Variants in SYT1 observed in about 807,000 individuals in gnomAD.
SYT1 encodes synaptotagmin 1, also known as synaptotagmin-1.
In SYT1, 8 loss-of-function variants were observed where a neutral mutation model predicts 44.8. That is an observed-to-expected ratio of 0.18 (90% confidence interval 0.10 to 0.32). The LOEUF (loss-of-function observed/expected upper bound fraction) is 0.32, where lower values mean the gene tolerates loss of function less well. Among genes scored for constraint, SYT1 ranks in the 10% least tolerant of loss-of-function variants. The probability of loss-of-function intolerance (pLI) is 1.00; values close to 1 mark genes in which losing one functional copy is unlikely to be tolerated. For synonymous variants in SYT1, 154 were observed against 188.8 expected (o/e 0.82, Z 1.51); for missense variants, 286 against 509.3 (o/e 0.56, Z 4.22).
chr12:79,305,664 C>T (rs1026828043), intron 8 of SYT1, among the ~76,000 whole-genome samples: 1 of 152,120 alleles, frequency 6.6e-6, no homozygotes, highest in African/African-American at 2.4e-5. Context: ...CGGGCAATGC[C>T]ATAACTACAA....
chr12:79,136,081 A>G (rs560477839), intron 3 of SYT1, among the ~76,000 whole-genome samples: 15 of 152,216 alleles, frequency 9.9e-5, no homozygotes, highest in Non-Finnish European at 1.3e-4. Context: ...TAGATTGGAA[A>G]AGATGTCTAT....
rs186455361 is a variant in SYT1 at position 79,019,279 on chromosome 12, A to T, written c.-83-28018A>T. ...TATTTCATTCATGAGTATTCTTTTA[A>T]TGTCCTTCTTAAAATAACTTAATTT... On this transcript the variant is annotated intron_variant, in intron 2 of 10. Coordinates refer to ENST00000261205, the MANE Select transcript of SYT1 (RefSeq NM_005639.3). 1.4e-3 allele frequency among the ~76,000 whole-genome samples: 216 copies of T among 152,102 alleles called. 1 individual carries two copies. Among genetic ancestry groups the T allele is most frequent in the African/African-American group, 5.1e-3 (211 of 41,534 alleles).
At chr12:79,317,767 C>A (rs1294760392) in intron 8 of SYT1, among the ~76,000 whole-genome samples, 1 of 152,112 alleles carries the variant, frequency 6.6e-6, no homozygotes, top group Non-Finnish European at 1.5e-5. Flanking sequence ...AAGAACACTG[C>A]AGAAGAGTGC....
At chr12:79,408,068 A>G (rs1260229829) in intron 9 of SYT1, among the ~76,000 whole-genome samples, 1 of 152,166 alleles carries the variant, frequency 6.6e-6, no homozygotes, top group Non-Finnish European at 1.5e-5. Flanking sequence ...TGGGTATTAC[A>G]CTTGAATTTA....
Position 78,945,844 on chromosome 12 carries a change from T to C in SYT1, c.-216-31955T>C, listed in dbSNP as rs547291990. Among the ~76,000 whole-genome samples, 5 of 152,274 alleles carry C rather than the reference T, an allele frequency of 3.3e-5. No homozygotes were observed. The East Asian group carries it at 9.7e-4, about 29-fold the overall frequency. On this transcript the variant is annotated intron_variant, in intron 1 of 10. Transcript: ENST00000261205. ...TAGCCAACATGCCTCACACATATCCTACCTATAATCGAAGGCAGCCCTTCT... is the reference window on the plus strand; with the variant it reads ...TAGCCAACATGCCTCACACATATCCCACCTATAATCGAAGGCAGCCCTTCT...
At chr12:79,404,160 T>C (rs1318356126) in intron 9 of SYT1, among the ~76,000 whole-genome samples, 1 of 152,140 alleles carries the variant, frequency 6.6e-6, no homozygotes, top group Non-Finnish European at 1.5e-5. Context: ...GAGTACCCAA[T>C]AAAGCTAATA....
At chr12:79,161,508 A>G (rs1263785660) in intron 3 of SYT1, among the ~76,000 whole-genome samples, 2 of 152,150 alleles carry the variant, frequency 1.3e-5, no homozygotes, top group Non-Finnish European at 2.9e-5. Flanking sequence ...ACTGTATTCC[A>G]TCGTTGTTAA....
intron 9 of SYT1, among the ~76,000 whole-genome samples, chr12:79,385,968 A>T (rs1197459706): frequency 6.6e-6 from 1 of 152,162 alleles, no homozygotes; most frequent in East Asian, 1.9e-4. Flanking sequence ...TGTTATGTAT[A>T]CTCAGGCTGG....
chr12:79,191,669 C>T (rs1467740644), intron 3 of SYT1, among the ~76,000 whole-genome samples: 1 of 152,076 alleles, frequency 6.6e-6, no homozygotes, highest in Non-Finnish European at 1.5e-5. Context: ...TAAGACATTT[C>T]TAGACTTCAA....
At chr12:79,432,227 T>C (rs1247186467) in intron 9 of SYT1, among the ~76,000 whole-genome samples, 5 of 152,074 alleles carry the variant, frequency 3.3e-5, no homozygotes, top group Non-Finnish European at 7.4e-5. Context: ...TTTTTAATTA[T>C]TATACTTTAA....
Position 79,240,851 on chromosome 12 carries a change from TA to T in SYT1, c.166+23172del, listed in dbSNP as rs536303389. On this transcript the variant is annotated intron_variant, in intron 4 of 10. Transcript: ENST00000261205. Reference sequence around the variant, plus strand: ...TTGTCTTTTATAAGAAATATGCATCTAAAAAATGTAGAGGAGAATATTTTAT... The same window carrying T: ...TTGTCTTTTATAAGAAATATGCATCTAAAAATGTAGAGGAGAATATTTTAT... Among the ~76,000 whole-genome samples, 7 of 152,268 alleles carry T rather than the reference TA, an allele frequency of 4.6e-5. No individual in the cohort carries two copies. In the South Asian group the frequency reaches 1.0e-3, roughly 23 times the overall value.
chr12:79,418,843 C>A (rs1316478530), intron 9 of SYT1, among the ~76,000 whole-genome samples: 1 of 152,064 alleles, frequency 6.6e-6, no homozygotes, highest in Non-Finnish European at 1.5e-5. Context: ...GAGTGGTTTT[C>A]AATGCTGTAT....
chr12:79,437,346 AAG>A (rs1049506042), intron 9 of SYT1, among the ~76,000 whole-genome samples: 1 of 152,186 alleles, frequency 6.6e-6, no homozygotes, highest in Non-Finnish European at 1.5e-5. Flanking sequence ...GTGGGTTAGA[AAG>A]AGAGAAATCA....
At chr12:79,115,984 A>G (rs1879256004) in intron 3 of SYT1, among the ~76,000 whole-genome samples, 4 of 152,208 alleles carry the variant, frequency 2.6e-5, no homozygotes, top group Admixed American at 2.6e-4. Context: ...GATTCTAATG[A>G]TGTGAACAAG....
At chr12:79,048,354 C>T (rs1467231980) in intron 3 of SYT1, among the ~76,000 whole-genome samples, 2 of 151,598 alleles carry the variant, frequency 1.3e-5, no homozygotes. Flanking sequence ...TTTTTAGCCC[C>T]AAAGAACTTT....
At chr12:79,428,522 G>C (rs1013494856) in intron 9 of SYT1, among the ~76,000 whole-genome samples, 2 of 152,200 alleles carry the variant, frequency 1.3e-5, no homozygotes, top group Non-Finnish European at 2.9e-5. Context: ...CTAGGGAGCA[G>C]TGGTGAATAG....
chr12:79,108,841 T>C (rs1411553691), intron 3 of SYT1, among the ~76,000 whole-genome samples: 1 of 152,242 alleles, frequency 6.6e-6, no homozygotes, highest in East Asian at 1.9e-4. Flanking sequence ...CCCAGTAAGT[T>C]CATGCCTAAC....
chr12:79,370,558 C>A (rs565116751), intron 9 of SYT1, among the ~76,000 whole-genome samples: 2 of 152,030 alleles, frequency 1.3e-5, no homozygotes, highest in Admixed American at 6.6e-5. Context: ...GTCAGAAGAT[C>A]GGGACCATCC....
intron 2 of SYT1, among the ~76,000 whole-genome samples, chr12:78,988,160 G>T (rs900202042): frequency 6.6e-6 from 1 of 151,560 alleles, no homozygotes; most frequent in South Asian, 2.1e-4. Flanking sequence ...AATGCGTTAG[G>T]CATTATACCT....
Sources: gnomAD v4.1 joint callset for allele counts (sites outside exome capture counted in the v4.1 genomes callset) on GRCh38, gnomAD v4.1.1 for gene constraint, MANE v1.5 for transcripts, NCBI Gene and HGNC (gene_info 2026-07-23, HGNC 2026-07-21) for gene names.